The following PTPRK variants were observed in gnomAD, a reference collection of about 807,000 sequenced individuals.
PTPRK encodes the protein protein tyrosine phosphatase receptor type K, also known as receptor-type tyrosine-protein phosphatase kappa.
In PTPRK, 75 loss-of-function variants were observed where a neutral mutation model predicts 178.0. That is an observed-to-expected ratio of 0.42 (90% confidence interval 0.35 to 0.51). The LOEUF (loss-of-function observed/expected upper bound fraction) is 0.51, where lower values mean the gene tolerates loss of function less well. PTPRK is among the 20% of genes least tolerant of loss of function. The pLI is 0.02. For synonymous variants in PTPRK, 637 were observed against 620.6 expected (o/e 1.03, Z -0.39); for missense variants, 1,441 against 1,797.8 (o/e 0.80, Z 3.59).
At chr6:128,259,755 A>G (rs1817896222) in intron 3 of PTPRK, among the ~76,000 whole-genome samples, 1 of 152,194 alleles carries the variant, frequency 6.6e-6, no homozygotes, top group Admixed American at 6.5e-5. Context: ...AAGGGCCATA[A>G]AAATTCTAAG....
chr6:128,058,880 A>G (rs1780351826), intron 13 of PTPRK, among the ~76,000 whole-genome samples: 1 of 152,064 alleles, frequency 6.6e-6, no homozygotes. Flanking sequence ...GGGTCAAGAT[A>G]TAATGTCTTC....
chr6:127,978,057 A>G (rs1282204890), intron 25 of PTPRK, among the ~76,000 whole-genome samples: 1 of 152,184 alleles, frequency 6.6e-6, no homozygotes, highest in South Asian at 2.1e-4. Flanking sequence ...ACCATTTGGG[A>G]AATGCTACCA....
intron 6 of PTPRK, among the ~76,000 whole-genome samples, chr6:128,211,603 T>C (rs1808192787): frequency 6.6e-6 from 1 of 152,150 alleles, no homozygotes; most frequent in African/African-American, 2.4e-5. Flanking sequence ...TTGTTTTCTA[T>C]ATATTTCCAT....
At chr6:128,425,218 T>C (rs1415201050) in intron 1 of PTPRK, among the ~76,000 whole-genome samples, 3 of 151,876 alleles carry the variant, frequency 2.0e-5, no homozygotes, top group Admixed American at 1.3e-4. Flanking sequence ...GCTGGGACTA[T>C]AGGCATGTGT....
At chr6:128,433,614 C>T (rs1845125626) in intron 1 of PTPRK, among the ~76,000 whole-genome samples, 1 of 151,998 alleles carries the variant, frequency 6.6e-6, no homozygotes, top group Admixed American at 6.6e-5. Flanking sequence ...CTCCCAGGCT[C>T]AAGTGATACT....
intron 7 of PTPRK, among the ~76,000 whole-genome samples, chr6:128,091,882 C>G (rs1787025000): frequency 6.6e-6 from 1 of 152,108 alleles, no homozygotes; most frequent in South Asian, 2.1e-4. Context: ...GAAAGCATAC[C>G]TAGACATCTT....
intron 13 of PTPRK, among the ~76,000 whole-genome samples, chr6:128,052,209 G>T (rs1343019051): frequency 6.6e-6 from 1 of 151,996 alleles, no homozygotes; most frequent in Admixed American, 6.5e-5. Flanking sequence ...AGCATGAAGA[G>T]TAAGTGACTG....
chr6:127,974,931 T>C (rs1774353234), intron 27 of PTPRK, among the ~76,000 whole-genome samples: 1 of 152,140 alleles, frequency 6.6e-6, no homozygotes, highest in Admixed American at 6.5e-5. Flanking sequence ...TCAGGAAGAA[T>C]ATGTAATATA....
At chr6:128,194,091 TTATTATTATTA>T (rs1804437187) in intron 6 of PTPRK, among the ~76,000 whole-genome samples, 1 of 147,258 alleles carries the variant, frequency 6.8e-6, no homozygotes, top group African/African-American at 2.5e-5. Context: ...ATTATTATTA[TTATTATTATTA>T]GGAAACGGAG....
intron 1 of PTPRK, among the ~76,000 whole-genome samples, chr6:128,435,498 T>G (rs1394358901): frequency 6.6e-6 from 1 of 152,208 alleles, no homozygotes; most frequent in African/African-American, 2.4e-5. Flanking sequence ...AGCCAGTGGT[T>G]TAAATTTGAA....
At chr6:128,276,723 A>C (rs1820782662) in intron 3 of PTPRK, among the ~76,000 whole-genome samples, 1 of 150,716 alleles carries the variant, frequency 6.6e-6, no homozygotes, top group African/African-American at 2.5e-5. Flanking sequence ...TAGAAAATGA[A>C]GAAACATAGA....
At position 128,150,754 on chromosome 6, in the gene PTPRK, A is replaced by G. The variant is rs544181820; in HGVS notation, c.1162+33678T>C. Among the ~76,000 whole-genome samples the G allele has an allele frequency of 9.2e-5, 14 of 152,238 alleles. No homozygotes were observed. In the East Asian group the frequency reaches 2.5e-3, roughly 27 times the overall value. On this transcript the variant is annotated intron_variant, in intron 7 of 29. Transcript: ENST00000368226. ...TGAAGAAGGGAAGGGCAACGCTATGAAAAAGACAGATTTAATGTCAAATCC... is the reference window on the plus strand; with the variant it reads ...TGAAGAAGGGAAGGGCAACGCTATGGAAAAGACAGATTTAATGTCAAATCC...
intron 5 of PTPRK, among the ~76,000 whole-genome samples, chr6:128,229,799 T>A (rs1300732852): frequency 6.6e-6 from 1 of 151,928 alleles, no homozygotes; most frequent in Non-Finnish European, 1.5e-5. Flanking sequence ...AAAAAAAGAG[T>A]AAGTCATCTT....
At chr6:128,018,513 A>C (rs1397378725) in intron 13 of PTPRK, among the ~76,000 whole-genome samples, 2 of 150,780 alleles carry the variant, frequency 1.3e-5, no homozygotes, top group South Asian at 4.2e-4. Context: ...TTTTTTTGAT[A>C]AAACAAAACC....
rs771767898 is a variant in PTPRK, at chr6:128,519,137, C to T, written c.100+1122G>A. ...GCAGCAGATGCGCTCGCCAGCCAAG[C>T]GAAGCTGGGTAGGTTGGCCAGAAAA... On this transcript the variant is annotated intron_variant, in intron 1 of 29. Coordinates refer to ENST00000368226, the MANE Select transcript of PTPRK (RefSeq NM_002844.4). This position sits in a 1 kb window ranked among gnomAD's most constrained non-coding sequence, Gnocchi z 4.3. 9.7e-6 allele frequency: 5 copies of T among 517,744 alleles called. No homozygotes were observed. The highest frequency in any genetic ancestry group is 7.3e-5 in the South Asian group (5 of 68,674). 32.1% of individuals were successfully genotyped at this position (517,744 alleles called of 1,614,324 possible).
At chr6:128,337,338 T>C (rs1213172660) in intron 2 of PTPRK, among the ~76,000 whole-genome samples, 1 of 152,158 alleles carries the variant, frequency 6.6e-6, no homozygotes, top group African/African-American at 2.4e-5. Context: ...CTTACTGGCA[T>C]ATAAATAATT....
In PTPRK at chr6:127,990,845, T is replaced by C. The variant is rs752009976; in HGVS notation, c.3020A>G (p.Tyr1007Cys). 1 of 1,611,426 alleles carries C rather than the reference T, an allele frequency of 6.2e-7. No individual in the cohort carries two copies. Among genetic ancestry groups the C allele is most frequent in the South Asian group, 1.1e-5 (1 of 91,032 alleles). ...YKYWPDDTEV[Y>C]GDFKVTCVEM... ...TACACACGTTACTTTGAAGTCACCA[T>C]AAACTTCAGTATCATCAGGCCAATA... The change falls in exon 21 of 30, where the codon TAT becomes TGT. Residue 1007 changes from tyrosine to cysteine, a missense_variant. This residue lies in a region of PTPRK where 945 missense variants were observed against 1,080.6 expected (regional missense o/e 0.87). Coordinates refer to ENST00000368226, the MANE Select transcript of PTPRK (RefSeq NM_002844.4).
intron 2 of PTPRK, among the ~76,000 whole-genome samples, chr6:128,347,401 G>T (rs1163493797): frequency 6.6e-6 from 1 of 152,154 alleles, no homozygotes; most frequent in Non-Finnish European, 1.5e-5. Flanking sequence ...GCAACTGAAA[G>T]AACTGACTAA....
intron 3 of PTPRK, among the ~76,000 whole-genome samples, chr6:128,300,234 G>A (rs930312615): frequency 1.3e-5 from 2 of 152,128 alleles, no homozygotes; most frequent in African/African-American, 2.4e-5. Context: ...AGGTGCTGGA[G>A]AGGATATGGA....
Sources: allele counts gnomAD v4.1 joint callset (sites outside exome capture counted in the v4.1 genomes callset), GRCh38; gene constraint gnomAD v4.1.1; regional missense constraint gnomAD v4.1.1; non-coding constraint Gnocchi (gnomAD v3.1); transcripts MANE v1.5; gene names NCBI Gene and HGNC (gene_info 2026-07-23, HGNC 2026-07-21).